The following DOP1A variants were observed in gnomAD, a reference collection of about 807,000 sequenced individuals.
DOP1A encodes DOP1 leucine zipper like protein A.
In DOP1A, 90 loss-of-function variants were observed where a neutral mutation model predicts 267.6. The observed-to-expected ratio is 0.34, with a 90% CI of 0.28 to 0.40. The LOEUF (loss-of-function observed/expected upper bound fraction) is 0.40, where lower values mean the gene tolerates loss of function less well. Ranked by LOEUF, DOP1A falls within the 10% of genes least tolerant of loss-of-function variation. DOP1A has a pLI of 1.00. For synonymous variants in DOP1A, 932 were observed against 999.1 expected, an observed-to-expected ratio of 0.93 and a Z score of 1.27; for missense variants, 2,437 against 2,900.4, an observed-to-expected ratio of 0.84 and a Z score of 3.67.
chr6:83,156,873 A>AC (rs1782919588), intron 34 of DOP1A, among the ~76,000 whole-genome samples: 1 of 151,660 alleles, frequency 6.6e-6, no homozygotes, highest in Admixed American at 6.5e-5. Context: ...TACTCAAAGT[A>AC]TGGTCCATGG....
At position 83,159,819 on chromosome 6, in the gene DOP1A, G is replaced by T; in HGVS notation, c.6821G>T (p.Gly2274Val). Residue 2274 changes from glycine (G) to valine (V), a missense_variant, in exon 37 of 39, where the codon GGT becomes GTT. By Grantham distance (109) the Gly-to-Val change is moderately radical. Around this residue, in one of 9 missense-constraint regions of DOP1A, gnomAD observed 197 missense variants for 246.5 expected, o/e 0.80. Transcript: ENST00000349129. ...AGGACTTCAGGGCCCTCTGTGGCTG[G>T]TCTGGAGACAACGTACACAGGAGGT... is the stretch of plus-strand genomic sequence containing the variant. ...ISRTSGPSVAGLETTYTGGNG... is the reference protein window; with the variant it reads ...ISRTSGPSVAVLETTYTGGNG... 1 of 1,614,120 alleles carries T rather than the reference G, an allele frequency of 6.2e-7. No individual in the cohort carries two copies. The highest frequency in any genetic ancestry group is 8.5e-7 in the Non-Finnish European group (1 of 1,180,036).
chr6:83,120,660 C>G (rs775306770), intron 9 of DOP1A, 23 bp from the exon 10 acceptor site: 1 of 1,502,040 alleles, frequency 6.7e-7, no homozygotes, highest in African/African-American at 1.4e-5. Flanking sequence ...CTTAAATGAC[C>G]AGTGTACTTT....
intron 1 of DOP1A, among the ~76,000 whole-genome samples, chr6:83,094,016 CA>C (rs1179894363): frequency 6.6e-6 from 1 of 152,088 alleles, no homozygotes; most frequent in Non-Finnish European, 1.5e-5. Context: ...TTTGTCACCC[CA>C]AAAAGAAACC....
intron 38 of DOP1A, among the ~76,000 whole-genome samples, chr6:83,163,657 C>G (rs1452461751): frequency 2.6e-5 from 4 of 152,116 alleles, no homozygotes; most frequent in Non-Finnish European, 5.9e-5. Flanking sequence ...TAAAGTTTCA[C>G]AAAACAGTTC....
At chr6:83,101,090 A>G (rs1772488931) in intron 4 of DOP1A, among the ~76,000 whole-genome samples, 1 of 152,124 alleles carries the variant, frequency 6.6e-6, no homozygotes, top group East Asian at 1.9e-4. Flanking sequence ...ATCTTGGCTC[A>G]CTGCAAGCTC....
chr6:83,116,111 G>C (rs1360711918), intron 7 of DOP1A, among the ~76,000 whole-genome samples: 1 of 152,182 alleles, frequency 6.6e-6, no homozygotes, highest in African/African-American at 2.4e-5. Flanking sequence ...TTGATATGTA[G>C]TTGGAAAATC....
In DOP1A at chr6:83,130,211, T is replaced by C. The variant is rs544331249; in HGVS notation, c.2430T>C (p.Ala810=). The change falls in exon 17 of 39, where the codon GCT becomes GCC. Residue 810 remains alanine (A), a synonymous_variant. Coordinates refer to ENST00000349129, the MANE Select transcript of DOP1A (RefSeq NM_015018.4). The part of the protein sequence containing the change: ...QASDFSVQSV[A]ISLVMDLVGL... The stretch of plus-strand genomic sequence containing the variant: ...GTGATTTCAGTGTTCAGAGTGTTGC[T>C]ATTTCACTAGTTATGGACCTGGTGG... The C allele has an allele frequency of 1.2e-6, 2 of 1,614,122 alleles. No individual in the cohort carries two copies. Among genetic ancestry groups the C allele is most frequent in the South Asian group, 2.2e-5 (2 of 91,088 alleles).
In DOP1A at chr6:83,118,879, CTCTT is replaced by C. The variant is rs766496727; in HGVS notation, c.781-6_781-3del. ...TTGCTAAGTACAACCATATTCCTAA[CTCTT>C]TCAGGCCACTCGACCGGATATGATC... On this transcript the variant is annotated splice_region_variant and splice_polypyrimidine_tract_variant and intron_variant, in intron 7 of 38. Coordinates refer to ENST00000349129, the MANE Select transcript of DOP1A (RefSeq NM_015018.4). 8.1e-5 allele frequency: 131 copies of C among 1,612,860 alleles called. 1 individual carries two copies. In the South Asian group the frequency reaches 1.3e-3, roughly 16 times the overall value.
chr6:83,072,253 C>T (rs890741767), intron 1 of DOP1A, among the ~76,000 whole-genome samples: 3 of 151,852 alleles, frequency 2.0e-5, no homozygotes, highest in East Asian at 3.9e-4. Context: ...GCTGTTATTT[C>T]GTGTTCATGA....
rs747019811 is a variant in DOP1A, at chr6:83,151,593, G to A, written c.5838G>A (p.Gly1946=). ...TCTGTTTTCTCTTTGGCCCTTTTAG[G>A]GTTCTGAATGAGTTTATTATGAAAA... ...LPAPGQFLIL[G]VLNEFIMKNP... Residue 1946 remains glycine, a splice_region_variant and synonymous_variant, in exon 28 of 39, where the codon GGG becomes GGA. Transcript: ENST00000349129. The A allele has an allele frequency of 1.9e-6, 3 of 1,596,568 alleles. No homozygotes were observed. Among genetic ancestry groups the A allele is most frequent in the Non-Finnish European group, 1.7e-6 (2 of 1,174,270 alleles).
chr6:83,131,834 G>A (rs563144815), intron 17 of DOP1A, among the ~76,000 whole-genome samples: 4 of 151,722 alleles, frequency 2.6e-5, no homozygotes, highest in African/African-American at 7.3e-5. Context: ...ACAAGGTTTC[G>A]CCACGTTGGC....
At chr6:83,068,191 A>G (rs1248091681) in intron 1 of DOP1A, among the ~76,000 whole-genome samples, 1 of 151,914 alleles carries the variant, frequency 6.6e-6, no homozygotes, top group Non-Finnish European at 1.5e-5. Context: ...GAAGGAATCG[A>G]GGCGTTGTGC....
chr6:83,114,585 T>C (rs1775099330), intron 7 of DOP1A, among the ~76,000 whole-genome samples: 1 of 152,220 alleles, frequency 6.6e-6, no homozygotes, highest in Non-Finnish European at 1.5e-5. Flanking sequence ...CTTTTCCCAT[T>C]GCTTTCTTAC....
chr6:83,089,692 T>C (rs1296906544), intron 1 of DOP1A, among the ~76,000 whole-genome samples: 2 of 152,210 alleles, frequency 1.3e-5, no homozygotes, highest in East Asian at 3.8e-4. Flanking sequence ...TTCCTGGTTA[T>C]ATTAAATAAA....
At chr6:83,106,982 G>A (rs921961631) in intron 4 of DOP1A, among the ~76,000 whole-genome samples, 2 of 152,102 alleles carry the variant, frequency 1.3e-5, no homozygotes, top group Non-Finnish European at 2.9e-5. Flanking sequence ...GGTGGACATT[G>A]GTGACCAAAA....
In DOP1A at chr6:83,120,766, C is replaced by T; in HGVS notation, c.1074C>T (p.Ile358=). 1 of 1,578,622 alleles carries T rather than the reference C, an allele frequency of 6.3e-7. No individual in the cohort carries two copies. The highest frequency in any genetic ancestry group is 2.2e-5 in the East Asian group (1 of 44,600). The change falls in exon 10 of 39, where the codon ATC becomes ATT. Residue 358 remains isoleucine, a synonymous_variant. Coordinates refer to ENST00000349129, the MANE Select transcript of DOP1A (RefSeq NM_015018.4). ...MQDLKPFRIL[I]SLLDKPELGP... Reference sequence around the variant, plus strand: ...ATCTAAAGCCTTTTCGCATTTTAATCAGTTTACTGGACAAACCTGAGCTAG... The same window carrying T: ...ATCTAAAGCCTTTTCGCATTTTAATTAGTTTACTGGACAAACCTGAGCTAG...
intron 7 of DOP1A, among the ~76,000 whole-genome samples, chr6:83,116,607 C>T (rs549509048): frequency 5.2e-4 from 79 of 152,152 alleles, no homozygotes; most frequent in African/African-American, 1.7e-3. Context: ...GTCAGGAGTT[C>T]AAGACCAGCC....
chr6:83,138,177 T>A lies in DOP1A; in HGVS notation c.4135T>A (p.Ser1379Thr). The part of the protein sequence containing the change: ...VLLYLQLYDS[S>T]RTLYAFSAIK... ...CCTGTATCTCCAGTTGTATGATTCATCCAGGACTTTGTATGCTTTCTCTGC... is the reference window on the plus strand; with the variant it reads ...CCTGTATCTCCAGTTGTATGATTCAACCAGGACTTTGTATGCTTTCTCTGC... Residue 1379 changes from serine (S) to threonine (T), a missense_variant, in exon 21 of 39, where the codon TCC becomes ACC. This residue lies in a region of DOP1A where 878 missense variants were observed against 992.9 expected (regional missense o/e 0.88). Coordinates refer to ENST00000349129, the MANE Select transcript of DOP1A (RefSeq NM_015018.4). 6.2e-7 allele frequency: 1 copy of A among 1,613,924 alleles called. No homozygotes were observed. The highest frequency in any genetic ancestry group is 1.1e-5 in the South Asian group (1 of 91,074).
intron 6 of DOP1A, among the ~76,000 whole-genome samples, chr6:83,111,230 A>G (rs2128179685): frequency 6.6e-6 from 1 of 152,190 alleles, no homozygotes; most frequent in African/African-American, 2.4e-5. Flanking sequence ...GATTACAGGC[A>G]TGAGCCACTG....
Sources: allele counts gnomAD v4.1 joint callset (sites outside exome capture counted in the v4.1 genomes callset), GRCh38; gene constraint gnomAD v4.1.1; regional missense constraint gnomAD v4.1.1; transcripts MANE v1.5; gene names NCBI Gene and HGNC (gene_info 2026-07-23, HGNC 2026-07-21).